Variants in CSMD1 observed in about 807,000 individuals in gnomAD.
CSMD1 encodes CUB and Sushi multiple domains 1.
A neutral mutation model predicts 417.5 loss-of-function variants in CSMD1; 213 were observed. The ratio of observed to expected loss-of-function variants is 0.51; its 90% CI spans 0.46 to 0.57. CSMD1 has a LOEUF of 0.57. CSMD1 is among the 20% of genes least tolerant of loss of function. The pLI is 0.00. For missense variants in CSMD1, 6,923 were observed against 4,529.7 expected (o/e 1.53, Z -15.17); for synonymous variants, 2,862 against 1,736.8 (o/e 1.65, Z -16.11).
intron 1 of CSMD1, among the ~76,000 whole-genome samples, chr8:4,930,638 C>T (rs1043683128): frequency 3.9e-5 from 6 of 152,156 alleles, no homozygotes; most frequent in African/African-American, 1.4e-4. Flanking sequence ...AAGACTGGTT[C>T]CTACCAAACC....
At chr8:4,185,445 T>C (rs955102159) in intron 3 of CSMD1, among the ~76,000 whole-genome samples, 1 of 152,088 alleles carries the variant, frequency 6.6e-6, no homozygotes, top group Non-Finnish European at 1.5e-5. Flanking sequence ...AAATAATGAT[T>C]TTAAAAACAG....
intron 1 of CSMD1, among the ~76,000 whole-genome samples, chr8:4,664,554 G>A (rs1213296298): frequency 1.3e-5 from 2 of 152,044 alleles, no homozygotes; most frequent in South Asian, 2.1e-4. Context: ...CAGCAAGAGC[G>A]TGTCTTGAAA....
intron 3 of CSMD1, among the ~76,000 whole-genome samples, chr8:4,340,116 T>C (rs147118407): frequency 1.1e-4 from 16 of 152,244 alleles, no homozygotes; most frequent in Middle Eastern, 6.8e-3. Context: ...AGAAGTTTTG[T>C]TAATCTCTCC....
chr8:3,191,717 T>A (rs564991228), intron 33 of CSMD1, among the ~76,000 whole-genome samples: 2 of 152,190 alleles, frequency 1.3e-5, no homozygotes, highest in Non-Finnish European at 2.9e-5. Context: ...AAAAGGAATG[T>A]GGGATAAAGA....
chr8:4,980,051 T>A (rs1197986845), intron 1 of CSMD1, among the ~76,000 whole-genome samples: 2 of 152,004 alleles, frequency 1.3e-5, no homozygotes, highest in African/African-American at 4.8e-5. Context: ...AATAAATAAA[T>A]AAATAAATTA....
At chr8:4,732,162 T>A (rs561432137) in intron 1 of CSMD1, among the ~76,000 whole-genome samples, 110 of 152,192 alleles carry the variant, frequency 7.2e-4, no homozygotes, top group African/African-American at 2.5e-3. Flanking sequence ...CAGGACCCAG[T>A]GTGCAAAAGC....
chr8:3,687,912 T>C (rs1229291276), intron 7 of CSMD1, among the ~76,000 whole-genome samples: 6 of 152,244 alleles, frequency 3.9e-5, no homozygotes, highest in Admixed American at 3.9e-4. Context: ...CTGTGAGCTC[T>C]GAGTAAATGC....
chr8:3,126,651 C>T (rs1224175374), intron 41 of CSMD1, among the ~76,000 whole-genome samples: 4 of 152,200 alleles, frequency 2.6e-5, no homozygotes, highest in African/African-American at 9.6e-5. Context: ...TAGCATATCA[C>T]TCTTTCTTTA....
chr8:3,354,969 GTTAAACTAGATATAAA>G (rs1035366942), intron 21 of CSMD1, among the ~76,000 whole-genome samples: 11 of 79,354 alleles, frequency 1.4e-4, no homozygotes, highest in Admixed American at 5.8e-4. Context: ...AGAGTTTAGT[GTTAAACTAGATATAAA>G]TTAAACTAGA....
chr8:3,125,404 G>T (rs1817450518), intron 41 of CSMD1, among the ~76,000 whole-genome samples: 1 of 152,130 alleles, frequency 6.6e-6, no homozygotes, highest in East Asian at 1.9e-4. Context: ...CATCATAAAA[G>T]CATTCACCCT....
rs145929383 is a variant in CSMD1 at position 3,905,937 on chromosome 8, G to A, written c.818+91966C>T. On this transcript the variant is annotated intron_variant, in intron 5 of 69. Coordinates refer to ENST00000635120, the MANE Select transcript of CSMD1 (RefSeq NM_033225.6). ...TGGGCCAATTTATAACCATGTTTTT[G>A]GTGCCCCTCAACCATACCTTTTGAT... Among the ~76,000 whole-genome samples, 4 of 152,192 alleles carry A rather than the reference G, an allele frequency of 2.6e-5. No homozygotes were observed. The East Asian group carries it at 7.7e-4, about 29-fold the overall frequency.
chr8:3,086,526 A>G (rs1814545766), intron 49 of CSMD1, among the ~76,000 whole-genome samples: 1 of 152,174 alleles, frequency 6.6e-6, no homozygotes, highest in Admixed American at 6.5e-5. Context: ...ATAAACCTTG[A>G]TAAGATAAAA....
intron 3 of CSMD1, among the ~76,000 whole-genome samples, chr8:4,407,085 C>T (rs527497294): frequency 1.6e-4 from 24 of 152,248 alleles, no homozygotes; most frequent in African/African-American, 5.1e-4. Flanking sequence ...TTGTCTATGG[C>T]GCTTTCATAC....
intron 5 of CSMD1, among the ~76,000 whole-genome samples, chr8:3,803,403 G>T (rs1038762783): frequency 6.6e-6 from 1 of 152,184 alleles, no homozygotes. Flanking sequence ...AGAGGAAACA[G>T]GTAGTGTAGG....
chr8:3,012,383 G>A (rs1396439274), intron 52 of CSMD1, among the ~76,000 whole-genome samples: 1 of 152,032 alleles, frequency 6.6e-6, no homozygotes, highest in East Asian at 1.9e-4. Flanking sequence ...CCTGTGTTTG[G>A]CCACTCCAGC....
rs540060119 is a variant in CSMD1, at chr8:3,507,033, C to T, written c.1345-13307G>A. On this transcript the variant is annotated intron_variant, in intron 10 of 69. Coordinates refer to ENST00000635120, the MANE Select transcript of CSMD1 (RefSeq NM_033225.6). Reference sequence around the variant, plus strand: ...CAAGATGTTGTAAGAATTGAACAAACGTATATACCAAGTGCCTAACATAGA... The same window carrying T: ...CAAGATGTTGTAAGAATTGAACAAATGTATATACCAAGTGCCTAACATAGA... Among the ~76,000 whole-genome samples the T allele has an allele frequency of 5.3e-5, 8 of 152,132 alleles. No individual in the cohort carries two copies. The East Asian group carries it at 5.8e-4, about 11-fold the overall frequency.
At chr8:3,992,903 A>AT (rs1283666606) in intron 5 of CSMD1, among the ~76,000 whole-genome samples, 1 of 152,224 alleles carries the variant, frequency 6.6e-6, no homozygotes, top group Non-Finnish European at 1.5e-5. Context: ...TTCCAAAGCC[A>AT]TTTTTCTCAC....
In CSMD1 at chr8:4,676,621, G is replaced by A. The variant is rs144106820; in HGVS notation, c.86-39063C>T. Among the ~76,000 whole-genome samples, 189 of 151,994 alleles carry A rather than the reference G, an allele frequency of 1.2e-3. 1 individual carries two copies. Among genetic ancestry groups the A allele is most frequent in the Admixed American group, 3.6e-3 (55 of 15,244 alleles). ...GACTTCTTATCTCCATTCTCCTTTCGCACCTGCAGCAATCTGTTTTCCAAG... is the reference window on the plus strand; with the variant it reads ...GACTTCTTATCTCCATTCTCCTTTCACACCTGCAGCAATCTGTTTTCCAAG... On this transcript the variant is annotated intron_variant, in intron 1 of 69. Transcript: ENST00000635120.
rs57139782 is a variant in CSMD1, at chr8:4,036,956, G to GGTGTGTGT, written c.416-4865_416-4858dup. Among the ~76,000 whole-genome samples, 588 of 146,024 alleles carry GGTGTGTGT rather than the reference G, an allele frequency of 4.0e-3. 2 individuals are homozygous for GGTGTGTGT. Among genetic ancestry groups the GGTGTGTGT allele is most frequent in the Non-Finnish European group, 6.0e-3 (397 of 66,454 alleles). On this transcript the variant is annotated intron_variant, in intron 3 of 69. Transcript: ENST00000635120. ...TGGATCCTAGTATGGGTGAGTGTGG[G>GGTGTGTGT]GTGTGTGTGTGTGTGTGTGTGTGTG...
Sources: gnomAD v4.1 joint callset for allele counts (sites outside exome capture counted in the v4.1 genomes callset) on GRCh38, gnomAD v4.1.1 for gene constraint, MANE v1.5 for transcripts, NCBI Gene and HGNC (gene_info 2026-07-23, HGNC 2026-07-21) for gene names.